Variants in EPAS1 observed in about 807,000 individuals in gnomAD.
The protein encoded by EPAS1 is endothelial PAS domain protein 1, also known as endothelial PAS domain-containing protein 1.
EPAS1 carries 23 observed loss-of-function variants against 87.9 expected under a neutral mutation model. That is an observed-to-expected ratio of 0.26 (90% CI 0.19 to 0.37). The LOEUF (loss-of-function observed/expected upper bound fraction) is 0.37. Ranked by LOEUF, EPAS1 falls within the 10% of genes least tolerant of loss-of-function variation. EPAS1 has a pLI of 1.00. For missense variants in EPAS1, 1,138 were observed against 1,120.7 expected (o/e 1.02, Z -0.22); for synonymous variants, 508 against 444.3 (o/e 1.14, Z -1.80).
rs957930899 is a variant in EPAS1, at chr2:46,297,820, G to C, written c.-92G>C. ...CACCTCGGACCTTCACCACCCGCCC[G>C]GGCCGCGGGGAGCGGACGAGGGCCA... is the stretch of plus-strand genomic sequence containing the variant. On this transcript the variant is annotated 5_prime_UTR_variant, in exon 1 of 16. Coordinates refer to ENST00000263734, the MANE Select transcript of EPAS1 (RefSeq NM_001430.5). 1.3e-6 allele frequency: 2 copies of C among 1,541,140 alleles called. No individual in the cohort carries two copies. Among genetic ancestry groups the C allele is most frequent in the Middle Eastern group, 1.9e-4 (1 of 5,180 alleles).
chr2:46,297,807 TCAC>T lies in EPAS1; in HGVS notation c.-100_-98del. ...CGGGACCTGCGCGCACCTCGGACCT[TCAC>T]CACCCGCCCGGGCCGCGGGGAGCGG... On this transcript the variant is annotated 5_prime_UTR_variant, in exon 1 of 16. Coordinates refer to ENST00000263734, the MANE Select transcript of EPAS1 (RefSeq NM_001430.5). 7.9e-6 allele frequency: 12 copies of T among 1,509,684 alleles called. No individual in the cohort carries two copies. Among genetic ancestry groups the T allele is most frequent in the Non-Finnish European group, 1.1e-5 (12 of 1,113,138 alleles). The allele number at this position is 1,509,684 out of a possible 1,614,324, so 93.5% of individuals were successfully genotyped here.
chr2:46,379,824 A>C (rs1179710510), intron 11 of EPAS1: 2 of 265,682 alleles, frequency 7.5e-6, no homozygotes, highest in Admixed American at 4.6e-5. Context: ...AGAAGAGGAC[A>C]AAAAAAAGCC....
At chr2:46,362,980 G>GGTGGTGGTGGTGGTGGTGGTA (rs2103640974) in intron 6 of EPAS1, among the ~76,000 whole-genome samples, 2 of 89,598 alleles carry the variant, frequency 2.2e-5, no homozygotes, top group South Asian at 3.8e-4. Context: ...TGGTGGTAGT[G>GGTGGTGGTGGTGGTGGTGGTA]GTGGTGGTGG....
intron 1 of EPAS1, among the ~76,000 whole-genome samples, chr2:46,334,677 G>A (rs4145837): frequency 0.65 from 98,288 of 152,156 alleles, 34,362 homozygotes; most frequent in East Asian, 0.97. Flanking sequence ...CAGCCCCATC[G>A]TAGGAAGAGA....
intron 4 of EPAS1, among the ~76,000 whole-genome samples, chr2:46,358,799 G>C (rs1446819828): frequency 6.6e-6 from 1 of 152,196 alleles, no homozygotes; most frequent in Non-Finnish European, 1.5e-5. Context: ...TCGTGATCTA[G>C]ACCTAAAGGG....
At chr2:46,332,685 A>G (rs1683711371) in intron 1 of EPAS1, among the ~76,000 whole-genome samples, 1 of 152,018 alleles carries the variant, frequency 6.6e-6, no homozygotes, top group Admixed American at 6.5e-5. Flanking sequence ...TTTTTGTGTT[A>G]GTGGCTTTTT....
intron 2 of EPAS1, among the ~76,000 whole-genome samples, chr2:46,351,483 T>C (rs920576109): frequency 6.6e-6 from 1 of 152,146 alleles, no homozygotes; most frequent in Non-Finnish European, 1.5e-5. Context: ...TTTAAAGGTA[T>C]GGCTAAGGAT....
rs112154131 is a variant in EPAS1, at chr2:46,326,413, G to T, written c.27-20460G>T. On this transcript the variant is annotated intron_variant, in intron 1 of 15. Coordinates refer to ENST00000263734, the MANE Select transcript of EPAS1 (RefSeq NM_001430.5). ...TGATGAATAGGTGCAGAGAGGAGTG[G>T]CTAGATCACCTGCCTGGGGGATGAG... 2.7e-3 allele frequency among the ~76,000 whole-genome samples: 407 copies of T among 152,230 alleles called. 2 individuals are homozygous for T. The highest frequency in any genetic ancestry group is 9.0e-3 in the African/African-American group (372 of 41,500).
chr2:46,355,864 T>C (rs1472387621), intron 2 of EPAS1, among the ~76,000 whole-genome samples: 2 of 152,180 alleles, frequency 1.3e-5, no homozygotes, highest in Non-Finnish European at 2.9e-5. Flanking sequence ...TTGGGAAAAC[T>C]TCCACCCTGA....
At chr2:46,298,259 A>G (rs1682927067) in intron 1 of EPAS1, among the ~76,000 whole-genome samples, 1 of 152,142 alleles carries the variant, frequency 6.6e-6, no homozygotes, top group Non-Finnish European at 1.5e-5. Flanking sequence ...GCAGCAGATT[A>G]CCGTGGCCAC....
Position 46,378,664 on chromosome 2 carries a change from G to C in EPAS1, c.1451G>C (p.Ser484Thr), listed in dbSNP as rs763402139. ...CTCCTTCCTGGCCCCTAGCCCAATA[G>C]CCCTGAAGACTATTACACATCTTTG... ...SSSSSCSTPNSPEDYYTSLDN... is the reference protein window; with the variant it reads ...SSSSSCSTPNTPEDYYTSLDN... Residue 484 changes from serine (S) to threonine (T), a missense_variant, in exon 11 of 16, where the codon AGC becomes ACC. Ser to Thr is a moderately conservative substitution (Grantham distance 58). Transcript: ENST00000263734. 12 of 1,613,852 alleles carry C rather than the reference G, an allele frequency of 7.4e-6. No individual in the cohort carries two copies. The highest frequency in any genetic ancestry group is 1.0e-5 in the Non-Finnish European group (12 of 1,179,932).
chr2:46,350,961 G>A (rs1684133742), intron 2 of EPAS1, among the ~76,000 whole-genome samples: 1 of 152,182 alleles, frequency 6.6e-6, no homozygotes, highest in Non-Finnish European at 1.5e-5. Context: ...AAGTTTTTAA[G>A]GCTTGATATG....
At chr2:46,354,941 G>A (rs1438444806) in intron 2 of EPAS1, among the ~76,000 whole-genome samples, 1 of 152,138 alleles carries the variant, frequency 6.6e-6, no homozygotes, top group African/African-American at 2.4e-5. Context: ...TGGTTCAGAA[G>A]GCCCTTCTTG....
chr2:46,308,184 C>A (rs1558582113), intron 1 of EPAS1, among the ~76,000 whole-genome samples: 1 of 152,138 alleles, frequency 6.6e-6, no homozygotes, highest in Admixed American at 6.5e-5. Flanking sequence ...ATGCTTTTCC[C>A]CTCTCTTCCT....
chr2:46,323,378 C>T (rs1441072737), intron 1 of EPAS1, among the ~76,000 whole-genome samples: 1 of 152,178 alleles, frequency 6.6e-6, no homozygotes, highest in Admixed American at 6.5e-5. Context: ...GTGTCCACAC[C>T]TGATGAGGTC....
intron 7 of EPAS1, among the ~76,000 whole-genome samples, chr2:46,373,123 G>T (rs1005144758): frequency 6.6e-6 from 1 of 152,078 alleles, no homozygotes; most frequent in Non-Finnish European, 1.5e-5. Context: ...TAACCCTCTG[G>T]CCTTAGTTTC....
Position 46,380,550 on chromosome 2 carries a change from C to T in EPAS1, c.1878C>T (p.Thr626=). 6.2e-7 allele frequency: 1 copy of T among 1,614,148 alleles called. No individual in the cohort carries two copies. Among genetic ancestry groups the T allele is most frequent in the Non-Finnish European group, 8.5e-7 (1 of 1,180,004 alleles). ...SLPPCCGQAS[T]PLSSMGGRSN... The stretch of plus-strand genomic sequence containing the variant: ...CACCGTGCTGTGGCCAGGCCAGCAC[C>T]CCTCTCTCTTCCATGGGGGGCAGAT... Residue 626 remains threonine, a synonymous_variant, in exon 12 of 16, where the codon ACC becomes ACT. Coordinates refer to ENST00000263734, the MANE Select transcript of EPAS1 (RefSeq NM_001430.5). The surrounding 1 kb of genome is among the most constrained non-coding windows in gnomAD (Gnocchi z 4.4).
chr2:46,316,106 G>A (rs1053705594), intron 1 of EPAS1, among the ~76,000 whole-genome samples: 13 of 151,996 alleles, frequency 8.6e-5, no homozygotes, highest in African/African-American at 2.9e-4. Flanking sequence ...CAGAATACGG[G>A]CATACTTCTA....
chr2:46,297,968 C>G (rs1208205354), intron 1 of EPAS1, 31 bp downstream of exon 1: 6 of 1,610,472 alleles, frequency 3.7e-6, no homozygotes, highest in East Asian at 4.5e-5. Flanking sequence ...ATCAGGGGGC[C>G]GGTCCGAGGC....
Sources: allele counts gnomAD v4.1 joint callset (sites outside exome capture counted in the v4.1 genomes callset), GRCh38; gene constraint gnomAD v4.1.1; non-coding constraint Gnocchi (gnomAD v3.1); transcripts MANE v1.5; gene names NCBI Gene and HGNC (gene_info 2026-07-23, HGNC 2026-07-21).